SP4: variants seen among roughly 807,000 people sequenced by gnomAD.
The protein encoded by SP4 is transcription factor Sp4.
A neutral mutation model predicts 72.8 loss-of-function variants in SP4; 19 were observed. The observed-to-expected ratio is 0.26, with a 90% CI of 0.18 to 0.38. The LOEUF (loss-of-function observed/expected upper bound fraction) is 0.38. Ranked by LOEUF, SP4 falls within the 10% of genes least tolerant of loss-of-function variation. The pLI, the probability that SP4 is intolerant of heterozygous loss-of-function variation, is 1.00. For missense variants in SP4, 1,008 were observed against 926.3 expected (o/e 1.09, Z -1.14); for synonymous variants, 395 against 333.1 (o/e 1.19, Z -2.02).
chr7:21,494,301 A>T (rs992790700), intron 5 of SP4, among the ~76,000 whole-genome samples: 2 of 152,204 alleles, frequency 1.3e-5, no homozygotes, highest in African/African-American at 4.8e-5. Flanking sequence ...AAAGCAGGAA[A>T]ATGTCATAAA....
chr7:21,434,948 A>G (rs1243494760), intron 3 of SP4, among the ~76,000 whole-genome samples: 1 of 152,136 alleles, frequency 6.6e-6, no homozygotes, highest in Non-Finnish European at 1.5e-5. Context: ...CTTTATTTTA[A>G]CTAAGTGAGG....
intron 3 of SP4, among the ~76,000 whole-genome samples, chr7:21,447,173 T>G (rs1026480291): frequency 2.0e-5 from 3 of 152,190 alleles, no homozygotes; most frequent in Admixed American, 6.5e-5. Flanking sequence ...TTTAAAGCCA[T>G]AGTGTGTGAT....
intron 3 of SP4, among the ~76,000 whole-genome samples, chr7:21,444,094 G>T (rs557087712): frequency 6.6e-6 from 1 of 152,244 alleles, no homozygotes; most frequent in South Asian, 2.1e-4. Context: ...ATATCCCCTT[G>T]TTAGACTTTC....
At chr7:21,458,823 G>A (rs1783862979) in intron 3 of SP4, among the ~76,000 whole-genome samples, 1 of 151,826 alleles carries the variant, frequency 6.6e-6, no homozygotes, top group Non-Finnish European at 1.5e-5. Context: ...AAAAATCTGT[G>A]GCCAGTTCAT....
intron 5 of SP4, among the ~76,000 whole-genome samples, chr7:21,508,726 T>TAAGATACC (rs1782071431): frequency 6.6e-6 from 1 of 151,630 alleles, no homozygotes; most frequent in Non-Finnish European, 1.5e-5. Flanking sequence ...GACCCTGGAA[T>TAAGATACC]AAGATACCAA....
At chr7:21,443,020 G>A (rs1312846337) in intron 3 of SP4, among the ~76,000 whole-genome samples, 1 of 152,186 alleles carries the variant, frequency 6.6e-6, no homozygotes, top group Non-Finnish European at 1.5e-5. Flanking sequence ...ACAGGTTTAA[G>A]CCACCATGCC....
intron 3 of SP4, among the ~76,000 whole-genome samples, chr7:21,459,413 T>G (rs958752152): frequency 4.6e-5 from 7 of 152,244 alleles, no homozygotes; most frequent in African/African-American, 1.7e-4. Context: ...GCCACCGTGT[T>G]TTGGAAATTC....
At chr7:21,478,489 T>G (rs554338169) in intron 4 of SP4, among the ~76,000 whole-genome samples, 95 of 134,542 alleles carry the variant, frequency 7.1e-4, no homozygotes, top group African/African-American at 2.4e-3. Context: ...TTTCCATCAA[T>G]AGGGTATGAA....
At chr7:21,486,374 T>G (rs1784812245) in intron 5 of SP4, among the ~76,000 whole-genome samples, 1 of 152,132 alleles carries the variant, frequency 6.6e-6, no homozygotes, top group Admixed American at 6.5e-5. Context: ...GCAATACTAT[T>G]AATTACACTT....
intron 5 of SP4, among the ~76,000 whole-genome samples, chr7:21,487,213 T>G (rs1784838393): frequency 6.6e-6 from 1 of 152,140 alleles, no homozygotes; most frequent in Non-Finnish European, 1.5e-5. Flanking sequence ...AGTGCCCCTG[T>G]TTTGTTTTTA....
chr7:21,508,603 A>T (rs1019327849), intron 5 of SP4, among the ~76,000 whole-genome samples: 16 of 152,248 alleles, frequency 1.1e-4, no homozygotes, highest in African/African-American at 3.9e-4. Flanking sequence ...CTGGGATTAC[A>T]GGTGTGAGCC....
Position 21,477,090 on chromosome 7 carries a change from G to C in SP4, c.1690G>C (p.Gly564Arg). Reference protein sequence around the residue: ...TITSVAGQQQGQDGVKVQQAT... With the variant: ...TITSVAGQQQRQDGVKVQQAT... ...TTCTTCCTTTTTAGGTCAGCAGCAAGGACAAGATGGAGTAAAAGTCCAGCA... is the reference window on the plus strand; with the variant it reads ...TTCTTCCTTTTTAGGTCAGCAGCAACGACAAGATGGAGTAAAAGTCCAGCA... The change falls in exon 4 of 6, where the codon GGA becomes CGA. Residue 564 changes from glycine to arginine, a missense_variant. Coordinates refer to ENST00000222584, the MANE Select transcript of SP4 (RefSeq NM_003112.5). 6.2e-7 allele frequency: 1 copy of C among 1,613,270 alleles called. No homozygotes were observed. The highest frequency in any genetic ancestry group is 2.2e-5 in the East Asian group (1 of 44,866).
chr7:21,514,638 G>T lies in SP4; in HGVS notation c.*3369G>T, dbSNP rs1485673501. ...CAGCAAAGCCTCTGGGGCTGTAATT[G>T]ACATTTTTACAGTGCTGATTTGTAT... On this transcript the variant is annotated 3_prime_UTR_variant, in exon 6 of 6. Coordinates refer to ENST00000222584, the MANE Select transcript of SP4 (RefSeq NM_003112.5). 3 of 151,740 alleles carry T rather than the reference G, an allele frequency of 2.0e-5. No homozygotes were observed. The highest frequency in any genetic ancestry group is 1.3e-4 in the Admixed American group (2 of 15,224). 9.4% of individuals were successfully genotyped at this position (151,740 alleles called of 1,614,324 possible).
chr7:21,451,519 G>A (rs1052929476), intron 3 of SP4, among the ~76,000 whole-genome samples: 13 of 152,122 alleles, frequency 8.5e-5, no homozygotes, highest in Admixed American at 2.6e-4. Flanking sequence ...CTTGCTGACA[G>A]GGATGATGGT....
At chr7:21,474,588 C>T (rs1423112188) in intron 3 of SP4, among the ~76,000 whole-genome samples, 3 of 152,096 alleles carry the variant, frequency 2.0e-5, no homozygotes, top group Non-Finnish European at 4.4e-5. Context: ...ATAATTATAC[C>T]TTTTGTTTAT....
At chr7:21,431,037 TATA>T (rs374629595) in intron 3 of SP4, among the ~76,000 whole-genome samples, 194 bp downstream of exon 3, 1,567 of 152,340 alleles carry the variant, frequency 0.01, 32 homozygotes, top group African/African-American at 0.035. Flanking sequence ...TTGTAGATTT[TATA>T]ATAATGTGTT....
At chr7:21,470,017 T>G (rs1416904276) in intron 3 of SP4, among the ~76,000 whole-genome samples, 1 of 152,192 alleles carries the variant, frequency 6.6e-6, no homozygotes, top group Non-Finnish European at 1.5e-5. Flanking sequence ...TTCTAAATGA[T>G]CTGACTGCCA....
At chr7:21,474,977 G>A (rs993470409) in intron 3 of SP4, among the ~76,000 whole-genome samples, 4 of 152,148 alleles carry the variant, frequency 2.6e-5, no homozygotes, top group Admixed American at 2.6e-4. Context: ...GAGAGTCAGA[G>A]GTTTAATTTT....
intron 3 of SP4, among the ~76,000 whole-genome samples, chr7:21,467,067 A>G (rs1784188458): frequency 6.6e-6 from 1 of 152,108 alleles, no homozygotes; most frequent in Admixed American, 6.6e-5. Context: ...GTTTCAGTGG[A>G]TTTCTTAATC....
Sources: gnomAD v4.1 joint callset for allele counts (sites outside exome capture counted in the v4.1 genomes callset) on GRCh38, gnomAD v4.1.1 for gene constraint, MANE v1.5 for transcripts, NCBI Gene and HGNC (gene_info 2026-07-23, HGNC 2026-07-21) for gene names.